The following PRH1 variants were observed in gnomAD, a reference collection of about 807,000 sequenced individuals.
The protein encoded by PRH1 is salivary acidic proline-rich phosphoprotein 1/2.
In PRH1, 7 loss-of-function variants were observed where a neutral mutation model predicts 7.9. The ratio of observed to expected loss-of-function variants is 0.89; its 90% confidence interval spans 0.50 to 1.67. The LOEUF (loss-of-function observed/expected upper bound fraction) is 1.67. Ranked by LOEUF, PRH1 falls within the 40% of genes most tolerant of loss-of-function variation. The pLI is 0.00. For missense variants in PRH1, 109 were observed against 223.6 expected, an observed-to-expected ratio of 0.49 and a Z score of 3.27; for synonymous variants, 45 against 80.8, an observed-to-expected ratio of 0.56 and a Z score of 2.38.
chr12:11,050,274 T>A (rs1943091251), upstream of PRH1, among the ~76,000 whole-genome samples: 1 of 152,150 alleles, frequency 6.6e-6, no homozygotes, highest in Non-Finnish European at 1.5e-5. Flanking sequence ...GATTATAGAT[T>A]AACTGAAAGT....
At chr12:11,075,332 GTGAT>G in intron 1 of PRH1, among the ~76,000 whole-genome samples, 1 of 137,266 alleles carries the variant, frequency 7.3e-6, no homozygotes, top group South Asian at 2.2e-4. Flanking sequence ...ACAGTAGAAA[GTGAT>G]TGGGTACATT....
chr12:10,970,260 A>G (rs761861513), intron 2 of PRH1, among the ~76,000 whole-genome samples: 1 of 152,224 alleles, frequency 6.6e-6, no homozygotes, highest in Non-Finnish European at 1.5e-5. Flanking sequence ...ATTTTTTCCA[A>G]CATATATGTG....
intron 1 of PRH1, chr12:11,061,379 G>T (rs1213459530): frequency 1.2e-6 from 2 of 1,612,992 alleles, no homozygotes; most frequent in Admixed American, 1.7e-5. Context: ...GAAGATGAAG[G>T]CTTCTCTCCT....
At chr12:11,160,457 TTTTGTTTG>T (rs879377022) in intron 1 of PRH1, among the ~76,000 whole-genome samples, 19 of 125,878 alleles carry the variant, frequency 1.5e-4, no homozygotes, top group South Asian at 2.3e-4. Flanking sequence ...GAACTGGAAT[TTTTGTTTG>T]TTTGTTTGTT....
intron 1 of PRH1, among the ~76,000 whole-genome samples, chr12:11,143,824 A>G (rs1946784906): frequency 6.6e-6 from 1 of 152,238 alleles, no homozygotes; most frequent in Non-Finnish European, 1.5e-5. Context: ...TCCCACGTAT[A>G]TAAGTCAAAT....
At chr12:10,909,181 C>G (rs1449207521) in intron 2 of PRH1, 1 of 1,613,948 alleles carries the variant, frequency 6.2e-7, no homozygotes, top group Non-Finnish European at 8.5e-7. Flanking sequence ...GAGGACAGCT[C>G]TCTTTTACTG....
In PRH1 at chr12:11,153,105, T is replaced by C. The variant is rs374076167; in HGVS notation, n.39+18317A>G. Among the ~76,000 whole-genome samples the C allele has an allele frequency of 2.1e-4, 32 of 152,294 alleles. 2 individuals carry two copies. The South Asian group carries it at 5.8e-3, about 28-fold the overall frequency. On this transcript the variant is annotated intron_variant and non_coding_transcript_variant, in intron 1 of 1. Coordinates refer to the PRH1 transcript ENST00000541175. ...AGATGATCACTTACAAAATAACTTA[T>C]AATCAAGTTCCTATAGAAGACAAGA...
chr12:10,918,569 T>C (rs929991798), intron 2 of PRH1, among the ~76,000 whole-genome samples: 36 of 152,222 alleles, frequency 2.4e-4, no homozygotes, highest in African/African-American at 7.2e-4. Flanking sequence ...ATAATCTATA[T>C]AAACATTTAA....
chr12:11,133,899 G>A (rs1347051927), intron 1 of PRH1: 1 of 1,614,012 alleles, frequency 6.2e-7, no homozygotes, highest in East Asian at 2.2e-5. Context: ...AGAAAAATAA[G>A]GTTGGAGAAA....
chr12:11,117,885 G>A (rs184077876), downstream of PRH1, among the ~76,000 whole-genome samples: 57 of 152,080 alleles, frequency 3.7e-4, 1 homozygote, highest in African/African-American at 1.4e-3. Flanking sequence ...ATGAAACTAG[G>A]CCCATATATC....
chr12:11,106,102 G>A lies in PRH1; in HGVS notation n.124-58914C>T, dbSNP rs540384454. ...ATTACAGGCGCCCACCACCACGCCC[G>A]GCTAATTTTTTGTATTTTTAGTAGA... On this transcript the variant is annotated intron_variant and non_coding_transcript_variant, in intron 1 of 4. Transcript: ENST00000541977. 1.7e-3 allele frequency among the ~76,000 whole-genome samples: 179 copies of A among 102,762 alleles called. 60 individuals carry two copies. The highest frequency in any genetic ancestry group is 2.9e-3 in the Non-Finnish European group (126 of 44,080). 67.4% of individuals were successfully genotyped at this position (102,762 alleles called of 152,430 possible). A position where few individuals can be genotyped will look rare whatever the true frequency, so the allele number is the denominator to read the frequency against.
At chr12:10,913,081 G>A (rs1949923347) in intron 2 of PRH1, among the ~76,000 whole-genome samples, 1 of 152,164 alleles carries the variant, frequency 6.6e-6, no homozygotes, top group Non-Finnish European at 1.5e-5. Context: ...ATGCTGATGA[G>A]TGCATAGAGC....
intron 2 of PRH1, among the ~76,000 whole-genome samples, chr12:10,900,628 A>G (rs1002002326): frequency 5.3e-5 from 8 of 152,218 alleles, no homozygotes; most frequent in African/African-American, 1.9e-4. Context: ...ACTTGCAACC[A>G]GGCAGCTTAG....
At chr12:11,102,086 G>A (rs1945272392) in intron 1 of PRH1, among the ~76,000 whole-genome samples, 1 of 152,056 alleles carries the variant, frequency 6.6e-6, no homozygotes. Context: ...TGGATAGGAA[G>A]AATCAATATC....
At chr12:11,114,109 G>T (rs1433205619) in intron 1 of PRH1, among the ~76,000 whole-genome samples, 3 of 152,070 alleles carry the variant, frequency 2.0e-5, no homozygotes, top group Admixed American at 1.3e-4. Flanking sequence ...ATTCCTCAAG[G>T]ATCTAGAACC....
intron 1 of PRH1, among the ~76,000 whole-genome samples, chr12:11,103,485 A>T (rs1338292404): frequency 6.6e-6 from 1 of 151,418 alleles, no homozygotes; most frequent in Admixed American, 6.6e-5. Context: ...TGGGAACTGA[A>T]CAACGAGAAC....
At chr12:10,923,990 GTTTTTTTT>G (rs35612831) in intron 2 of PRH1, among the ~76,000 whole-genome samples, 14 of 89,460 alleles carry the variant, frequency 1.6e-4, no homozygotes, top group Non-Finnish European at 2.6e-4. Flanking sequence ...TTCTCCATCT[GTTTTTTTT>G]TTTTTTTTTT....
At chr12:10,936,422 A>T (rs1052213380) in intron 2 of PRH1, among the ~76,000 whole-genome samples, 1 of 152,140 alleles carries the variant, frequency 6.6e-6, no homozygotes, top group African/African-American at 2.4e-5. Context: ...TTGACATGCA[A>T]TAAGTTGTAC....
intron 1 of PRH1, among the ~76,000 whole-genome samples, chr12:11,052,305 G>C (rs1220909503): frequency 6.6e-6 from 1 of 152,172 alleles, no homozygotes; most frequent in Non-Finnish European, 1.5e-5. Flanking sequence ...TGTTTATGAA[G>C]GTCTACTACT....
Sources: gnomAD v4.1 joint callset for allele counts (sites outside exome capture counted in the v4.1 genomes callset) on GRCh38, gnomAD v4.1.1 for gene constraint, MANE v1.5 for transcripts, NCBI Gene and HGNC (gene_info 2026-07-23, HGNC 2026-07-21) for gene names.